The following ZP3 variants were observed in gnomAD, a reference collection of about 807,000 sequenced individuals.
ZP3 encodes the protein zona pellucida sperm-binding protein 3.
ZP3 carries 21 observed loss-of-function variants against 35.6 expected under a neutral mutation model. The ratio of observed to expected loss-of-function variants is 0.59; its 90% CI spans 0.42 to 0.85. ZP3 has a LOEUF of 0.85. ZP3 is among the 40% of genes least tolerant of loss of function. The probability of loss-of-function intolerance (pLI) is 0.00; values close to 1 mark genes in which losing one functional copy is unlikely to be tolerated. For missense variants in ZP3, 437 were observed against 536.5 expected (o/e 0.81, Z 1.83); for synonymous variants, 207 against 214.5 (o/e 0.96, Z 0.31).
chr7:76,402,268 C>A (rs528664897), intron 1 of ZP3, among the ~76,000 whole-genome samples: 1 of 151,524 alleles, frequency 6.6e-6, no homozygotes, highest in East Asian at 1.9e-4. Flanking sequence ...CAGCCTCTGC[C>A]TCCTGGGTTC....
intron 5 of ZP3, among the ~76,000 whole-genome samples, chr7:76,435,496 G>A (rs1805966332): frequency 6.6e-6 from 1 of 152,244 alleles, no homozygotes; most frequent in South Asian, 2.1e-4. Context: ...GAGAGGTGAG[G>A]CGGTGAGCTT....
At chr7:76,399,443 C>T (rs1804742831) in intron 1 of ZP3, among the ~76,000 whole-genome samples, 1 of 152,168 alleles carries the variant, frequency 6.6e-6, no homozygotes, top group Admixed American at 6.6e-5. Flanking sequence ...ATGAGACCCC[C>T]TGATTTTCTT....
intron 5 of ZP3, among the ~76,000 whole-genome samples, chr7:76,436,377 C>T (rs1269720910): frequency 6.6e-6 from 1 of 152,118 alleles, no homozygotes; most frequent in Non-Finnish European, 1.5e-5. Context: ...CCTCCATCTA[C>T]TGACCTACCT....
At chr7:76,411,159 C>T (rs1554623419) in intron 1 of ZP3, among the ~76,000 whole-genome samples, 1 of 151,740 alleles carries the variant, frequency 6.6e-6, no homozygotes, top group African/African-American at 2.4e-5. Context: ...CCATTCCTTC[C>T]GTCATCTCAG....
Position 76,425,868 on chromosome 7 carries a change from G to T in ZP3, c.312+592G>T, listed in dbSNP as rs528413939. Among the ~76,000 whole-genome samples the T allele has an allele frequency of 7.5e-4, 114 of 152,120 alleles. 3 individuals are homozygous for T. Among genetic ancestry groups the T allele is most frequent in the African/African-American group, 2.6e-3 (106 of 41,536 alleles). ...CGCCTGTAATTCCAGCACTTTGGGA[G>T]GCTGAGGAGTTTGAGACCAGCCTGG... On this transcript the variant is annotated intron_variant, in intron 1 of 7. Transcript: ENST00000394857.
At chr7:76,441,745 A>C (rs1164174673) in intron 7 of ZP3, 97 bp from the exon 8 acceptor site, 3 of 1,108,612 alleles carry the variant, frequency 2.7e-6, no homozygotes, top group Non-Finnish European at 4.1e-6. Flanking sequence ...AAAAAAGACA[A>C]CATATTAGTT....
At chr7:76,417,828 G>C (rs1396822265) in intron 1 of ZP3, among the ~76,000 whole-genome samples, 1 of 151,366 alleles carries the variant, frequency 6.6e-6, no homozygotes, top group Non-Finnish European at 1.5e-5. Context: ...TGCCCAGGCT[G>C]GGCTGGAACT....
chr7:76,403,786 T>C (rs777705518), intron 1 of ZP3, among the ~76,000 whole-genome samples: 27 of 151,954 alleles, frequency 1.8e-4, no homozygotes, highest in Admixed American at 2.6e-4. Flanking sequence ...CTCAGCCTCC[T>C]GAGTAGCTGG....
intron 5 of ZP3, among the ~76,000 whole-genome samples, chr7:76,435,850 G>C (rs1805982696): frequency 1.3e-5 from 2 of 150,452 alleles, no homozygotes; most frequent in Non-Finnish European, 2.9e-5. Context: ...TCAGCCTCCT[G>C]AGTAGCTGGG....
At chr7:76,398,653 G>T in intron 1 of ZP3, 2 of 1,510,638 alleles carry the variant, frequency 1.3e-6, no homozygotes, top group East Asian at 2.3e-5. Context: ...TCTTCCCACT[G>T]CCTAGGGTAG....
At chr7:76,423,907 C>T (rs1308140979), upstream of ZP3, among the ~76,000 whole-genome samples, 4 of 152,036 alleles carry the variant, frequency 2.6e-5, no homozygotes, top group African/African-American at 4.8e-5. Context: ...AGCCAAGCCC[C>T]GCTTCTGCTG....
chr7:76,422,611 G>A (rs180725754), upstream of ZP3, among the ~76,000 whole-genome samples: 775 of 151,518 alleles, frequency 5.1e-3, 6 homozygotes, highest in African/African-American at 0.018. Context: ...TCCAGGAGGA[G>A]GAGGTTGCAG....
intron 5 of ZP3, among the ~76,000 whole-genome samples, chr7:76,438,365 C>G (rs1806088057): frequency 6.6e-6 from 1 of 152,132 alleles, no homozygotes; most frequent in Admixed American, 6.6e-5. Flanking sequence ...CAAGACAAGC[C>G]TGGCCAACAT....
At chr7:76,441,496 C>A (rs1433025755) in intron 7 of ZP3, among the ~76,000 whole-genome samples, 1 of 151,914 alleles carries the variant, frequency 6.6e-6, no homozygotes, top group African/African-American at 2.4e-5. Context: ...TCAAGCTATT[C>A]TCCTGCCTCA....
At chr7:76,431,797 G>T (rs964064549) in intron 2 of ZP3, among the ~76,000 whole-genome samples, 8 of 151,894 alleles carry the variant, frequency 5.3e-5, no homozygotes, top group Non-Finnish European at 1.0e-4. Flanking sequence ...TATTTGGGAG[G>T]CTGAGGCAGG....
At chr7:76,427,176 A>G (rs989586161) in intron 1 of ZP3, among the ~76,000 whole-genome samples, 1 of 152,120 alleles carries the variant, frequency 6.6e-6, no homozygotes, top group Admixed American at 6.6e-5. Context: ...CAAAGCCTGC[A>G]AACTCCTTCC....
At chr7:76,416,945 C>CATACAT (rs1554623914) in intron 1 of ZP3, among the ~76,000 whole-genome samples, 5 of 73,252 alleles carry the variant, frequency 6.8e-5, no homozygotes, top group South Asian at 5.2e-4. Context: ...TGTATACATA[C>CATACAT]ATATATATAT....
chr7:76,423,075 G>GAAAGA (rs1805562006), upstream of ZP3, among the ~76,000 whole-genome samples: 2 of 141,184 alleles, frequency 1.4e-5, no homozygotes, highest in Non-Finnish European at 3.0e-5. Flanking sequence ...AAGAAAGAAA[G>GAAAGA]AAAGAAAGAA....
intron 1 of ZP3, among the ~76,000 whole-genome samples, chr7:76,419,442 G>C (rs376791060): frequency 6.6e-6 from 1 of 151,982 alleles, no homozygotes; most frequent in Non-Finnish European, 1.5e-5. Flanking sequence ...TGTTTCCTCC[G>C]TCCGGTATCA....
Sources: gnomAD v4.1 joint callset for allele counts (sites outside exome capture counted in the v4.1 genomes callset) on GRCh38, gnomAD v4.1.1 for gene constraint, MANE v1.5 for transcripts, NCBI Gene and HGNC (gene_info 2026-07-23, HGNC 2026-07-21) for gene names.